Variants in CEP350 observed in about 807,000 individuals in gnomAD.
CEP350 encodes centrosome-associated protein 350.
A neutral mutation model predicts 331.8 loss-of-function variants in CEP350; 126 were observed. That is an observed-to-expected ratio of 0.38 (90% CI 0.33 to 0.44). The LOEUF (loss-of-function observed/expected upper bound fraction) is 0.44, where lower values mean the gene tolerates loss of function less well. Ranked by LOEUF, CEP350 falls within the 20% of genes least tolerant of loss-of-function variation. CEP350 has a pLI of 1.00. For missense variants in CEP350, 3,406 were observed against 3,634.6 expected (o/e 0.94, Z 1.62); for synonymous variants, 1,200 against 1,259.5 (o/e 0.95, Z 1.00).
chr1:179,965,027 T>C (rs1402796851), intron 1 of CEP350, among the ~76,000 whole-genome samples: 1 of 152,172 alleles, frequency 6.6e-6, no homozygotes, highest in Non-Finnish European at 1.5e-5. Flanking sequence ...CTTTTTGATG[T>C]AGGCATTTAG....
intron 27 of CEP350, chr1:180,073,881 A>G (rs1659049575): frequency 7.7e-7 from 1 of 1,304,674 alleles, no homozygotes; most frequent in Non-Finnish European, 1.0e-6. Context: ...CCCAAATTCC[A>G]GCTGTATATC....
chr1:180,025,560 A>G (rs1032246685), intron 14 of CEP350, among the ~76,000 whole-genome samples: 2 of 152,164 alleles, frequency 1.3e-5, no homozygotes, highest in African/African-American at 4.8e-5. Flanking sequence ...AACTCACAGG[A>G]TGGTGTCTAG....
At chr1:180,089,971 G>A (rs998131200) in intron 32 of CEP350, among the ~76,000 whole-genome samples, 9 of 152,192 alleles carry the variant, frequency 5.9e-5, no homozygotes, top group African/African-American at 2.2e-4. Context: ...TTACAGTTTA[G>A]CAAATGAAGT....
chr1:179,970,069 G>A (rs543734763), intron 1 of CEP350, among the ~76,000 whole-genome samples: 1 of 152,222 alleles, frequency 6.6e-6, no homozygotes, highest in South Asian at 2.1e-4. Flanking sequence ...CCTTCTTTTG[G>A]TTATTTCTGG....
At chr1:180,034,119 G>A (rs185795361) in intron 16 of CEP350, 37 bp downstream of exon 16, 8 of 1,575,562 alleles carry the variant, frequency 5.1e-6, no homozygotes, top group East Asian at 4.5e-5. Flanking sequence ...TTTAGAATAC[G>A]ATATGAAATT....
intron 4 of CEP350, among the ~76,000 whole-genome samples, chr1:179,991,258 A>G (rs960275446): frequency 1.3e-5 from 2 of 150,578 alleles, no homozygotes; most frequent in African/African-American, 2.4e-5. Context: ...AATTGATACA[A>G]TGCAAATTTT....
At chr1:180,063,758 A>G (rs1571944418) in intron 26 of CEP350, among the ~76,000 whole-genome samples, 1 of 152,234 alleles carries the variant, frequency 6.6e-6, no homozygotes, top group South Asian at 2.1e-4. Context: ...AGCTGCAGTA[A>G]GCTGTGACCA....
In CEP350 at chr1:180,098,860, C is replaced by T; in HGVS notation, c.9067-3C>T. On this transcript the variant is annotated splice_region_variant and splice_polypyrimidine_tract_variant and intron_variant, in intron 36 of 37. Transcript: ENST00000367607. ...GTTTCGTGTATTTGTCTTGTTTCCACAGAGCTTCATAGCAAGTGAAGTACT... is the reference window on the plus strand; with the variant it reads ...GTTTCGTGTATTTGTCTTGTTTCCATAGAGCTTCATAGCAAGTGAAGTACT... The T allele has an allele frequency of 6.2e-7, 1 of 1,611,546 alleles. No homozygotes were observed. The highest frequency in any genetic ancestry group is 1.1e-5 in the South Asian group (1 of 90,778).
chr1:180,067,791 A>G (rs1160600429), intron 27 of CEP350, among the ~76,000 whole-genome samples: 1 of 152,232 alleles, frequency 6.6e-6, no homozygotes, highest in Non-Finnish European at 1.5e-5. Flanking sequence ...TCTCTGAAAC[A>G]AAGTAATGTG....
chr1:179,974,073 T>G (rs1228308792), intron 1 of CEP350, among the ~76,000 whole-genome samples: 5 of 134,532 alleles, frequency 3.7e-5, no homozygotes, highest in Non-Finnish European at 8.1e-5. Context: ...TTGCTGGTGT[T>G]TGTTTGTTTG....
chr1:180,055,044 C>T (rs1657729652), intron 25 of CEP350, among the ~76,000 whole-genome samples: 1 of 152,124 alleles, frequency 6.6e-6, no homozygotes. Context: ...AGTTACTTAA[C>T]TTCTCTGTGT....
chr1:180,003,614 G>GTAGT (rs760706627), intron 7 of CEP350, among the ~76,000 whole-genome samples: 2 of 152,156 alleles, frequency 1.3e-5, no homozygotes, highest in Non-Finnish European at 2.9e-5. Flanking sequence ...GATCTTTGAA[G>GTAGT]TAGTGAGTAA....
At chr1:179,957,980 A>C (rs1650301598) in intron 1 of CEP350, among the ~76,000 whole-genome samples, 1 of 152,228 alleles carries the variant, frequency 6.6e-6, no homozygotes. Flanking sequence ...ATACATAAGA[A>C]AACAGAAGGT....
chr1:180,024,125 A>G (rs1182275028), intron 13 of CEP350, among the ~76,000 whole-genome samples: 1 of 152,024 alleles, frequency 6.6e-6, no homozygotes, highest in Non-Finnish European at 1.5e-5. Context: ...TATAATATAT[A>G]AATTATAAAT....
intron 22 of CEP350, among the ~76,000 whole-genome samples, chr1:180,052,054 A>G (rs76816462): frequency 0.12 from 18,190 of 152,226 alleles, 1,171 homozygotes; most frequent in South Asian, 0.16. Flanking sequence ...GATGGGTACA[A>G]AAGCAATTGT....
chr1:180,019,808 A>C (rs12144653), intron 11 of CEP350, 141 bp from the exon 12 acceptor site: 11,294 of 610,398 alleles, frequency 0.019, 135 homozygotes, highest in Middle Eastern at 0.036. Flanking sequence ...TGTTTTGCTG[A>C]GTGATCTTTA....
At chr1:179,960,997 C>A (rs540794145) in intron 1 of CEP350, among the ~76,000 whole-genome samples, 1 of 151,376 alleles carries the variant, frequency 6.6e-6, no homozygotes, top group South Asian at 2.1e-4. Flanking sequence ...ACCAGGACAC[C>A]TATATATATT....
At chr1:179,990,956 T>C (rs1653009425) in intron 4 of CEP350, among the ~76,000 whole-genome samples, 1 of 152,200 alleles carries the variant, frequency 6.6e-6, no homozygotes, top group Non-Finnish European at 1.5e-5. Flanking sequence ...TGGCATTTAA[T>C]TTTTTTCCTT....
chr1:179,956,938 A>T (rs190714877), intron 1 of CEP350, among the ~76,000 whole-genome samples: 12 of 152,268 alleles, frequency 7.9e-5, no homozygotes, highest in Admixed American at 5.9e-4. Flanking sequence ...TTAAAATATT[A>T]AAAAATTATT....
Sources: gnomAD v4.1 joint callset for allele counts (sites outside exome capture counted in the v4.1 genomes callset) on GRCh38, gnomAD v4.1.1 for gene constraint, MANE v1.5 for transcripts, NCBI Gene and HGNC (gene_info 2026-07-23, HGNC 2026-07-21) for gene names.